Variants in CCDC85A observed in about 807,000 individuals in gnomAD.
CCDC85A encodes coiled-coil domain-containing protein 85A.
Under a neutral mutation model 50.2 loss-of-function variants are expected in CCDC85A, and 38 were observed. The observed-to-expected ratio is 0.76, with a 90% confidence interval of 0.58 to 0.99. CCDC85A has a LOEUF of 0.99. CCDC85A is among the 50% of genes least tolerant of loss of function. The pLI is 0.00. For synonymous variants in CCDC85A, 366 were observed against 301.4 expected (o/e 1.21, Z -2.22); for missense variants, 820 against 742.0 (o/e 1.11, Z -1.22).
In CCDC85A at chr2:56,184,143, C is replaced by A; in HGVS notation, c.-482C>A. On this transcript the variant is annotated 5_prime_UTR_variant, in exon 1 of 6. Coordinates refer to ENST00000407595, the MANE Select transcript of CCDC85A (RefSeq NM_001080433.2). ...GGGAGGCGCCGCGGTGCCCGGCGCG[C>A]CCTCCAAGCTAGGAGAGGGGAGAAG... is the stretch of plus-strand genomic sequence containing the variant. 6 of 985,726 alleles carry A rather than the reference C, an allele frequency of 6.1e-6. No individual in the cohort carries two copies. Among genetic ancestry groups the A allele is most frequent in the Non-Finnish European group, 7.2e-6 (6 of 830,296 alleles). The allele number at this position is 985,726 out of a possible 1,614,324, so 61.1% of individuals were successfully genotyped here. A position where few individuals can be genotyped will look rare whatever the true frequency, so the allele number is the denominator to read the frequency against.
In CCDC85A at chr2:56,184,793, C is replaced by A. The variant is rs765905929; in HGVS notation, c.169C>A (p.Arg57=). The stretch of plus-strand genomic sequence containing the variant: ...CAAGGAGGAGCTGATCCGCAGCCTG[C>A]GGCGCGCCGAGGCGGAGAAGGTGAG... ...WSKEELIRSL[R]RAEAEKVSAM... The change falls in exon 1 of 6, where the codon CGG becomes AGG. Residue 57 remains arginine, a synonymous_variant. Transcript: ENST00000407595. 2.6e-6 allele frequency: 4 copies of A among 1,546,166 alleles called. No individual in the cohort carries two copies. In the South Asian group the frequency reaches 4.8e-5, roughly 18 times the overall value.
At chr2:56,241,380 C>G (rs1005675062) in intron 2 of CCDC85A, among the ~76,000 whole-genome samples, 1 of 152,080 alleles carries the variant, frequency 6.6e-6, no homozygotes, top group African/African-American at 2.4e-5. Context: ...TTATTATTGA[C>G]TGTAGTTGCC....
rs1026781510 is a variant in CCDC85A at position 56,251,127 on chromosome 2, A to G, written c.1240+57687A>G. The stretch of plus-strand genomic sequence containing the variant: ...CCCCCAGAGGTATCTCCTGGGATCT[A>G]TAAATAGTACTGCAACAATGTGTTG... On this transcript the variant is annotated intron_variant, in intron 2 of 5. Transcript: ENST00000407595. Among the ~76,000 whole-genome samples, 9 of 152,248 alleles carry G rather than the reference A, an allele frequency of 5.9e-5. No individual in the cohort carries two copies. The East Asian group carries it at 1.5e-3, about 26-fold the overall frequency.
chr2:56,344,499 A>C (rs1674534251), intron 3 of CCDC85A, among the ~76,000 whole-genome samples: 1 of 152,198 alleles, frequency 6.6e-6, no homozygotes, highest in South Asian at 2.1e-4. Context: ...GATTGACTAC[A>C]AGTAACAGAA....
rs200335788 is a variant in CCDC85A at position 56,235,505 on chromosome 2, A to G, written c.1240+42065A>G. On this transcript the variant is annotated intron_variant, in intron 2 of 5. Coordinates refer to ENST00000407595, the MANE Select transcript of CCDC85A (RefSeq NM_001080433.2). ...GGGAAAAGACTAAAAAAAAAAATCA[A>G]TGAGAGAAGCAGAATGTATAAGACA... is the stretch of plus-strand genomic sequence containing the variant. Among the ~76,000 whole-genome samples, 21 of 152,282 alleles carry G rather than the reference A, an allele frequency of 1.4e-4. No homozygotes were observed. In the East Asian group the frequency reaches 3.5e-3, roughly 25 times the overall value.
intron 2 of CCDC85A, among the ~76,000 whole-genome samples, chr2:56,223,736 A>G (rs780821756): frequency 2.0e-5 from 3 of 152,116 alleles, no homozygotes; most frequent in African/African-American, 4.8e-5. Flanking sequence ...CACTATCTCT[A>G]TATTATTCTG....
chr2:56,342,263 A>C (rs1674410938), intron 2 of CCDC85A, among the ~76,000 whole-genome samples: 1 of 152,100 alleles, frequency 6.6e-6, no homozygotes, highest in African/African-American at 2.4e-5. Context: ...CATTTAAGAA[A>C]GATTTGTGGA....
At chr2:56,335,228 A>C (rs1034279938) in intron 2 of CCDC85A, among the ~76,000 whole-genome samples, 2 of 152,202 alleles carry the variant, frequency 1.3e-5, no homozygotes, top group Non-Finnish European at 2.9e-5. Flanking sequence ...CACTTTGTTC[A>C]GAACAGTAAT....
chr2:56,313,265 A>G (rs2104232943), intron 2 of CCDC85A, among the ~76,000 whole-genome samples: 1 of 152,196 alleles, frequency 6.6e-6, no homozygotes, highest in Non-Finnish European at 1.5e-5. Flanking sequence ...ATTTTTATAC[A>G]TTTCAGTTTT....
At chr2:56,297,209 G>C (rs1671991293) in intron 2 of CCDC85A, among the ~76,000 whole-genome samples, 1 of 152,138 alleles carries the variant, frequency 6.6e-6, no homozygotes, top group African/African-American at 2.4e-5. Context: ...TAGAGGAAAT[G>C]AGAGGGAAGC....
At chr2:56,228,564 G>A (rs185672022) in intron 2 of CCDC85A, among the ~76,000 whole-genome samples, 3,068 of 149,028 alleles carry the variant, frequency 0.021, 50 homozygotes, top group South Asian at 0.047. Flanking sequence ...ACAGAGTTTC[G>A]CTCTGTCCCC....
intron 5 of CCDC85A, among the ~76,000 whole-genome samples, chr2:56,379,203 G>C (rs946685015): frequency 1.3e-5 from 2 of 152,082 alleles, no homozygotes; most frequent in African/African-American, 4.8e-5. Flanking sequence ...CTATCAAAGA[G>C]CCACCTCCAC....
intron 2 of CCDC85A, among the ~76,000 whole-genome samples, chr2:56,304,677 C>G (rs924463738): frequency 6.6e-6 from 1 of 152,118 alleles, no homozygotes; most frequent in African/African-American, 2.4e-5. Flanking sequence ...ATGGGGGAAT[C>G]TGGGAGATAG....
At chr2:56,277,589 A>G (rs532206656) in intron 2 of CCDC85A, among the ~76,000 whole-genome samples, 49 of 152,238 alleles carry the variant, frequency 3.2e-4, no homozygotes, top group Non-Finnish European at 5.7e-4. Flanking sequence ...TGCTTCAGAC[A>G]TTACATTTCA....
chr2:56,362,165 A>C (rs1675559048), intron 3 of CCDC85A, among the ~76,000 whole-genome samples: 1 of 152,154 alleles, frequency 6.6e-6, no homozygotes, highest in Non-Finnish European at 1.5e-5. Flanking sequence ...GATGGTACAG[A>C]GTGTCAACCC....
intron 2 of CCDC85A, among the ~76,000 whole-genome samples, chr2:56,264,223 C>T (rs1280911334): frequency 2.6e-5 from 4 of 152,100 alleles, no homozygotes; most frequent in African/African-American, 9.7e-5. Flanking sequence ...CTTGAACTTT[C>T]CTTCAGAACT....
chr2:56,383,663 T>C lies in CCDC85A; in HGVS notation c.1573-603T>C. 4 of 985,112 alleles carry C rather than the reference T, an allele frequency of 4.1e-6. No individual in the cohort carries two copies. In the South Asian group the frequency reaches 1.4e-4, roughly 35 times the overall value. 61.0% of individuals were successfully genotyped at this position (985,112 alleles called of 1,614,324 possible). On this transcript the variant is annotated intron_variant, in intron 5 of 5. Transcript: ENST00000407595. ...CTTGGTAGCTAAGATTTGTGACAAC[T>C]GATGACCCCACTCTGTAGAAAAAGC...
At chr2:56,384,216 CT>C (rs767170817) in intron 5 of CCDC85A, 49 bp from the exon 6 acceptor site, 1 of 1,533,550 alleles carries the variant, frequency 6.5e-7, no homozygotes, top group South Asian at 1.1e-5. Context: ...TGCAAATCTC[CT>C]TGTGAAAGAG....
intron 3 of CCDC85A, among the ~76,000 whole-genome samples, chr2:56,358,076 A>C (rs925163520): frequency 6.6e-6 from 1 of 152,134 alleles, no homozygotes; most frequent in African/African-American, 2.4e-5. Flanking sequence ...TAGTATTTCT[A>C]TTTTGCTCAG....
Sources: allele counts gnomAD v4.1 joint callset (sites outside exome capture counted in the v4.1 genomes callset), GRCh38; gene constraint gnomAD v4.1.1; transcripts MANE v1.5; gene names NCBI Gene and HGNC (gene_info 2026-07-23, HGNC 2026-07-21).